Variants in ATG4A observed in about 807,000 individuals in gnomAD.
The protein encoded by ATG4A is cysteine protease ATG4A.
ATG4A carries 22 observed loss-of-function variants against 38.4 expected under a neutral mutation model. The ratio of observed to expected loss-of-function variants is 0.57; its 90% CI spans 0.41 to 0.82. ATG4A has a LOEUF of 0.82. Ranked by LOEUF, ATG4A falls within the 40% of genes least tolerant of loss-of-function variation. The probability of loss-of-function intolerance (pLI) is 0.00; values close to 1 mark genes in which losing one functional copy is unlikely to be tolerated. For missense variants in ATG4A, 220 were observed against 290.0 expected (o/e 0.76, Z 1.75); for synonymous variants, 86 against 100.7 (o/e 0.85, Z 0.88).
rs2033256590 is a variant in ATG4A, at chrX:108,141,058, G to GTATATA, written c.814+2868_814+2869insATATAT. Among the ~76,000 whole-genome samples the GTATATA allele has an allele frequency of 2.9e-4, 9 of 30,570 alleles. 1 individual carries two copies. The highest frequency in any genetic ancestry group is 1.4e-3 in the Admixed American group (3 of 2,164). The allele number at this position is 30,570 out of a possible 115,157, so 26.5% of individuals were successfully genotyped here. On this transcript the variant is annotated intron_variant, in intron 9 of 12. Coordinates refer to ENST00000372232, the MANE Select transcript of ATG4A (RefSeq NM_052936.5). ...TATATACATATATATACATATATAC[G>GTATATA]TGTATATATATACATATATATATAT...
chrX:108,106,983 G>A (rs924832702), intron 1 of ATG4A, among the ~76,000 whole-genome samples: 1 of 111,299 alleles, frequency 9.0e-6, no homozygotes, highest in Non-Finnish European at 1.9e-5. Flanking sequence ...TATTCCACAT[G>A]TATACACATA....
intron 9 of ATG4A, among the ~76,000 whole-genome samples, chrX:108,149,322 C>G (rs1181930844): frequency 2.7e-5 from 3 of 112,834 alleles, no homozygotes; most frequent in Non-Finnish European, 5.6e-5. Context: ...GCACTTTTGC[C>G]TCCTCAGCCT....
upstream of ATG4A, among the ~76,000 whole-genome samples, chrX:108,089,250 T>A (rs779974887): frequency 9.0e-6 from 1 of 111,630 alleles, no homozygotes; most frequent in Non-Finnish European, 1.9e-5. Context: ...TTATCTCCAT[T>A]TTTCAGATGA....
At chrX:108,092,334 A>G (rs761748061) in intron 1 of ATG4A, among the ~76,000 whole-genome samples, 1 of 112,215 alleles carries the variant, frequency 8.9e-6, no homozygotes, top group Admixed American at 9.4e-5. Flanking sequence ...TGGCATTTTA[A>G]TATCACGATA....
intron 1 of ATG4A, among the ~76,000 whole-genome samples, chrX:108,109,787 C>T (rs894026445): frequency 8.9e-6 from 1 of 111,839 alleles, no homozygotes; most frequent in South Asian, 3.7e-4. Context: ...TTGAATATGA[C>T]AGGGTTTATG....
intron 6 of ATG4A, among the ~76,000 whole-genome samples, chrX:108,136,802 T>C (rs2033117937): frequency 8.9e-6 from 1 of 112,051 alleles, no homozygotes; most frequent in African/African-American, 3.2e-5. Flanking sequence ...ATGGGTAACT[T>C]TTCTTTTTTC....
upstream of ATG4A, among the ~76,000 whole-genome samples, chrX:108,089,897 G>A (rs930916246): frequency 8.9e-6 from 1 of 111,874 alleles, no homozygotes; most frequent in Non-Finnish European, 1.9e-5. Context: ...ATTTGTCAAA[G>A]GGAATCCCTA....
At chrX:108,150,650 A>G (rs780599723) in intron 10 of ATG4A, among the ~76,000 whole-genome samples, 15 of 113,033 alleles carry the variant, frequency 1.3e-4, no homozygotes, top group African/African-American at 4.2e-4. Context: ...GATGTCTTAC[A>G]TGGTGGCAGG....
At chrX:108,138,088 A>G in intron 8 of ATG4A, 25 bp from the exon 9 acceptor site, 1 of 1,205,482 alleles carries the variant, frequency 8.3e-7, no homozygotes, top group Non-Finnish European at 1.1e-6. Context: ...GTGAGTTGAG[A>G]ATCTTGCATT....
At chrX:108,146,638 AT>A (rs1373181228) in intron 9 of ATG4A, among the ~76,000 whole-genome samples, 2 of 111,599 alleles carry the variant, frequency 1.8e-5, no homozygotes, top group East Asian at 5.6e-4. Context: ...TCACAAATCT[AT>A]TTTGCAAGGC....
chrX:108,151,662 A>T, intron 10 of ATG4A, 140 bp from the exon 11 acceptor site: 1 of 532,781 alleles, frequency 1.9e-6, no homozygotes, highest in Non-Finnish European at 3.2e-6. Flanking sequence ...TAGGAGAGAG[A>T]GAAGCCCAGG....
chrX:108,115,101 G>A (rs2032467792), intron 1 of ATG4A, among the ~76,000 whole-genome samples: 1 of 103,631 alleles, frequency 9.6e-6, no homozygotes, highest in East Asian at 3.0e-4. Flanking sequence ...GTGTATGTGT[G>A]CATGTGTGCA....
At chrX:108,144,003 A>G (rs1285078669) in intron 9 of ATG4A, among the ~76,000 whole-genome samples, 1 of 112,884 alleles carries the variant, frequency 8.9e-6, no homozygotes, top group Non-Finnish European at 1.9e-5. Flanking sequence ...CTGATGGGGA[A>G]CATGGTAAGA....
At chrX:108,149,231 C>T in intron 9 of ATG4A, among the ~76,000 whole-genome samples, 1 of 112,539 alleles carries the variant, frequency 8.9e-6, no homozygotes, top group East Asian at 2.8e-4. Flanking sequence ...GTAGATCTCT[C>T]CTTGCTCGCC....
intron 1 of ATG4A, among the ~76,000 whole-genome samples, chrX:108,101,056 G>A (rs938285940): frequency 1.3e-4 from 14 of 109,416 alleles, no homozygotes; most frequent in African/African-American, 4.7e-4. Flanking sequence ...TTTTTTTTGA[G>A]TTTTAAAATT....
chrX:108,104,925 G>GTT lies in ATG4A; in HGVS notation c.10+13102_10+13103dup, dbSNP rs56127774. Among the ~76,000 whole-genome samples the GTT allele has an allele frequency of 4.9e-3, 422 of 86,914 alleles. 2 individuals carry two copies. The highest frequency in any genetic ancestry group is 0.011 in the African/African-American group (267 of 23,694). The allele number at this position is 86,914 out of a possible 115,157, so 75.5% of individuals were successfully genotyped here. On this transcript the variant is annotated intron_variant, in intron 1 of 12. Coordinates refer to ENST00000372232, the MANE Select transcript of ATG4A (RefSeq NM_052936.5). ...AAGCCTGCTGTTTAATACCTGTCAT[G>GTT]TTTTTTTTTTTTTTCAGTTCAGCTG...
chrX:108,112,395 C>CT (rs889066930), intron 1 of ATG4A, among the ~76,000 whole-genome samples: 97 of 102,399 alleles, frequency 9.5e-4, no homozygotes, highest in Non-Finnish European at 9.4e-4. Flanking sequence ...ACTTCCCTGA[C>CT]TTTTTTTTTT....
chrX:108,091,658 G>A, upstream of ATG4A: 1 of 899,335 alleles, frequency 1.1e-6, no homozygotes, highest in Non-Finnish European at 1.6e-6. Context: ...CCCGTCGCGC[G>A]GCGCCTCTGG....
At chrX:108,130,225 C>T (rs1433804706) in intron 3 of ATG4A, among the ~76,000 whole-genome samples, 4 of 111,582 alleles carry the variant, frequency 3.6e-5, no homozygotes, top group Non-Finnish European at 7.5e-5. Context: ...ACCACCTTGA[C>T]CCACTTGTCC....
Sources: gnomAD v4.1 joint callset for allele counts (sites outside exome capture counted in the v4.1 genomes callset) on GRCh38, gnomAD v4.1.1 for gene constraint, MANE v1.5 for transcripts, NCBI Gene and HGNC (gene_info 2026-07-23, HGNC 2026-07-21) for gene names.